Variants in HIKESHI observed in about 807,000 individuals in gnomAD.
HIKESHI encodes protein Hikeshi.
Under a neutral mutation model 25.7 loss-of-function variants are expected in HIKESHI, and 13 were observed. The ratio of observed to expected loss-of-function variants is 0.51; its 90% CI spans 0.33 to 0.80. The LOEUF is 0.80. Among genes scored for constraint, HIKESHI ranks in the 30% least tolerant of loss-of-function variants. The pLI is 0.02. For synonymous variants in HIKESHI, 76 were observed against 78.7 expected (o/e 0.97, Z 0.18); for missense variants, 174 against 229.5 (o/e 0.76, Z 1.56).
chr11:86,336,835 A>G (rs1947575539), intron 2 of HIKESHI, among the ~76,000 whole-genome samples: 1 of 152,088 alleles, frequency 6.6e-6, no homozygotes, highest in African/African-American at 2.4e-5. Context: ...AAGAGAAGTA[A>G]CTCATCACAT....
intron 3 of HIKESHI, 175 bp from the exon 4 acceptor site, chr11:86,344,428 A>T: frequency 2.2e-6 from 1 of 451,522 alleles, no homozygotes; most frequent in Non-Finnish European, 3.9e-6. Flanking sequence ...TCAGCCTCCC[A>T]AAGTTTTGGG....
In HIKESHI at chr11:86,302,480, T is replaced by G. The variant is rs1593793605; in HGVS notation, c.30+2T>G. Reference sequence around the variant, plus strand: ...GGCTGCTTGGTGGCGGGGAGGCTGGTGAGGATGGGACCGGGTGATATCAGG... The same window carrying G: ...GGCTGCTTGGTGGCGGGGAGGCTGGGGAGGATGGGACCGGGTGATATCAGG... On this transcript the variant is annotated splice_donor_variant, in intron 1 of 4. Coordinates refer to ENST00000278483, the MANE Select transcript of HIKESHI (RefSeq NM_016401.4). LOFTEE classifies it high-confidence loss of function. The G allele has an allele frequency of 6.4e-7, 1 of 1,557,218 alleles. No individual in the cohort carries two copies. The highest frequency in any genetic ancestry group is 8.7e-7 in the Non-Finnish European group (1 of 1,150,412).
chr11:86,339,212 A>ATT lies in HIKESHI; in HGVS notation c.420+1689_420+1690dup, dbSNP rs34543869. ...ACGTGCCCGCCACCAGGCCCAGCTA[A>ATT]TTTTTTTTGTATTTTTTCGTAGAGA... On this transcript the variant is annotated intron_variant, in intron 3 of 4. Transcript: ENST00000278483. Among the ~76,000 whole-genome samples, 796 of 151,766 alleles carry ATT rather than the reference A, an allele frequency of 5.2e-3. 7 individuals are homozygous for ATT. The highest frequency in any genetic ancestry group is 0.017 in the African/African-American group (723 of 41,402).
chr11:86,317,976 A>G (rs563221947), intron 2 of HIKESHI, among the ~76,000 whole-genome samples: 9 of 152,102 alleles, frequency 5.9e-5, no homozygotes, highest in Admixed American at 2.0e-4. Flanking sequence ...GAATATACCA[A>G]ACAAAACTGA....
At chr11:86,305,536 G>A (rs1946601020) in intron 1 of HIKESHI, among the ~76,000 whole-genome samples, 1 of 151,706 alleles carries the variant, frequency 6.6e-6, no homozygotes, top group Non-Finnish European at 1.5e-5. Flanking sequence ...ACAGGCACGT[G>A]CCACCACGCT....
In HIKESHI at chr11:86,303,352, T is replaced by C. The variant is rs139953489; in HGVS notation, c.30+874T>C. Reference sequence around the variant, plus strand: ...GATAATGTATTGTATTCTGTACATATACAGTTCTAAGAAGCCAGAAAGATA... The same window carrying C: ...GATAATGTATTGTATTCTGTACATACACAGTTCTAAGAAGCCAGAAAGATA... On this transcript the variant is annotated intron_variant, in intron 1 of 4. Transcript: ENST00000278483. 477 of 948,738 alleles carry C rather than the reference T, an allele frequency of 5.0e-4. No homozygotes were observed. The African/African-American group carries it at 5.8e-3, about 11-fold the overall frequency. 58.8% of individuals were successfully genotyped at this position (948,738 alleles called of 1,614,324 possible). A position where few individuals can be genotyped will look rare whatever the true frequency, so the allele number is the denominator to read the frequency against.
intron 3 of HIKESHI, among the ~76,000 whole-genome samples, chr11:86,341,288 A>T (rs1345342640): frequency 1.3e-5 from 2 of 152,060 alleles, no homozygotes; most frequent in East Asian, 3.8e-4. Context: ...TATTTTTCAG[A>T]ATTGAGCTAT....
intron 3 of HIKESHI, among the ~76,000 whole-genome samples, chr11:86,341,442 A>G (rs921823108): frequency 2.0e-5 from 3 of 150,714 alleles, no homozygotes; most frequent in African/African-American, 4.9e-5. Flanking sequence ...TTATTTAAAC[A>G]TATCAGTTTC....
rs556457885 is a variant in HIKESHI at position 86,339,706 on chromosome 11, A to G, written c.420+2176A>G. Among the ~76,000 whole-genome samples the G allele has an allele frequency of 1.2e-3, 182 of 152,196 alleles. 1 individual carries two copies. Among genetic ancestry groups the G allele is most frequent in the Admixed American group, 2.0e-3 (31 of 15,290 alleles). ...TAATTTAATTACTTAGTTACTCCAA[A>G]TTTTTATGAGTATTACATGTATTTG... On this transcript the variant is annotated intron_variant, in intron 3 of 4. Coordinates refer to ENST00000278483, the MANE Select transcript of HIKESHI (RefSeq NM_016401.4).
chr11:86,328,222 C>T (rs1947332914), intron 2 of HIKESHI, among the ~76,000 whole-genome samples: 1 of 151,920 alleles, frequency 6.6e-6, no homozygotes, highest in Non-Finnish European at 1.5e-5. Context: ...ATTTTCCTTT[C>T]CTAAAGTAAA....
chr11:86,345,522 G>C (rs997944378), intron 4 of HIKESHI, 62 bp from the exon 5 acceptor site: 4 of 930,788 alleles, frequency 4.3e-6, no homozygotes, highest in African/African-American at 1.7e-5. Context: ...TCATTTGGCA[G>C]TTAATGAAAG....
intron 1 of HIKESHI, 146 bp from the exon 2 acceptor site, chr11:86,306,099 A>T (rs901807251): frequency 1.7e-6 from 1 of 601,202 alleles, no homozygotes; most frequent in Admixed American, 2.9e-5. Flanking sequence ...AAAACTAAGT[A>T]TGTATTTAAG....
At chr11:86,302,959 T>C (rs751486287) in intron 1 of HIKESHI, among the ~76,000 whole-genome samples, 16 of 152,204 alleles carry the variant, frequency 1.1e-4, no homozygotes, top group Non-Finnish European at 1.5e-4. Context: ...GCTCAGGGAA[T>C]GTATATCTTT....
At chr11:86,305,527 C>G (rs1383641060) in intron 1 of HIKESHI, among the ~76,000 whole-genome samples, 1 of 151,804 alleles carries the variant, frequency 6.6e-6, no homozygotes, top group Non-Finnish European at 1.5e-5. Context: ...CCTGGGATTA[C>G]AGGCACGTGC....
rs186036959 is a variant in HIKESHI at position 86,309,745 on chromosome 11, G to C, written c.268+3263G>C. On this transcript the variant is annotated intron_variant, in intron 2 of 4. Coordinates refer to ENST00000278483, the MANE Select transcript of HIKESHI (RefSeq NM_016401.4). The stretch of plus-strand genomic sequence containing the variant: ...TTTAATCTATCCTGAATTAATTTTT[G>C]TATAAGGTATAAGAAAGGGATCCAG... Among the ~76,000 whole-genome samples, 1,132 of 152,196 alleles carry C rather than the reference G, an allele frequency of 7.4e-3. 20 individuals are homozygous for C. The highest frequency in any genetic ancestry group is 0.024 in the African/African-American group (998 of 41,512).
At chr11:86,324,021 G>A (rs1171348769) in intron 2 of HIKESHI, 1 of 151,890 alleles carries the variant, frequency 6.6e-6, no homozygotes, top group Non-Finnish European at 1.5e-5. Context: ...AAGAGATGTG[G>A]TCTCACTATG....
At chr11:86,340,255 GGT>G (rs1180559781) in intron 3 of HIKESHI, among the ~76,000 whole-genome samples, 1 of 152,078 alleles carries the variant, frequency 6.6e-6, no homozygotes, top group Non-Finnish European at 1.5e-5. Context: ...TAATCCTTTG[GGT>G]ATATACCCAG....
intron 3 of HIKESHI, among the ~76,000 whole-genome samples, chr11:86,341,805 GT>G (rs1348989952): frequency 6.6e-6 from 1 of 151,956 alleles, no homozygotes; most frequent in Non-Finnish European, 1.5e-5. Context: ...TTTCTCTTCT[GT>G]GTTGAATCCT....
intron 3 of HIKESHI, chr11:86,343,686 C>T (rs184557894): frequency 2.0e-5 from 3 of 152,246 alleles, no homozygotes; most frequent in Non-Finnish European, 4.4e-5. Flanking sequence ...TGATATTAAT[C>T]AGGTGCCTTC....
Sources: allele counts gnomAD v4.1 joint callset (sites outside exome capture counted in the v4.1 genomes callset), GRCh38; gene constraint gnomAD v4.1.1; transcripts MANE v1.5; gene names NCBI Gene and HGNC (gene_info 2026-07-23, HGNC 2026-07-21).